GABRB1: variants seen among roughly 807,000 people sequenced by gnomAD.
The protein encoded by GABRB1 is gamma-aminobutyric acid receptor subunit beta-1.
GABRB1 carries 17 observed loss-of-function variants against 51.6 expected under a neutral mutation model. The observed-to-expected ratio is 0.33, with a 90% CI of 0.23 to 0.49. The LOEUF is 0.49. GABRB1 is among the 20% of genes least tolerant of loss of function. The pLI is 0.99. For synonymous variants in GABRB1, 247 were observed against 218.9 expected (o/e 1.13, Z -1.14); for missense variants, 410 against 600.6 (o/e 0.68, Z 3.32).
At chr4:47,135,606 A>G (rs940084274) in intron 3 of GABRB1, among the ~76,000 whole-genome samples, 9 of 152,030 alleles carry the variant, frequency 5.9e-5, no homozygotes, top group East Asian at 1.9e-4. Context: ...TCTTCTATCC[A>G]TCATCACTCC....
At chr4:47,010,064 C>T (rs1387967798) in intron 1 of GABRB1, among the ~76,000 whole-genome samples, 1 of 152,196 alleles carries the variant, frequency 6.6e-6, no homozygotes, top group African/African-American at 2.4e-5. Context: ...CTGCTCACCT[C>T]TGGATAAATT....
At chr4:47,406,981 T>C in intron 8 of GABRB1, 55 bp downstream of exon 8, 1 of 1,533,840 alleles carries the variant, frequency 6.5e-7, no homozygotes, top group Non-Finnish European at 8.9e-7. Context: ...AGCATCATGA[T>C]GCCTCGGGCT....
chr4:47,386,094 A>C (rs1028957687), intron 5 of GABRB1, among the ~76,000 whole-genome samples: 8 of 152,134 alleles, frequency 5.3e-5, no homozygotes, highest in African/African-American at 1.7e-4. Context: ...TTATTAACTC[A>C]ATCTACAGCT....
chr4:47,379,078 A>T (rs1727500258), intron 5 of GABRB1, among the ~76,000 whole-genome samples: 1 of 152,216 alleles, frequency 6.6e-6, no homozygotes, highest in South Asian at 2.1e-4. Context: ...TCAATAGATC[A>T]AAACTATTCT....
chr4:47,381,908 A>C (rs1447962493), intron 5 of GABRB1, among the ~76,000 whole-genome samples: 1 of 152,238 alleles, frequency 6.6e-6, no homozygotes, highest in Non-Finnish European at 1.5e-5. Context: ...AGAATTTGCA[A>C]AAAATTACAA....
chr4:47,333,070 A>T (rs1485183591), intron 5 of GABRB1, among the ~76,000 whole-genome samples: 1 of 147,646 alleles, frequency 6.8e-6, no homozygotes, highest in Non-Finnish European at 1.5e-5. Flanking sequence ...ATCTATTTTT[A>T]AAATTCATAT....
At chr4:47,070,180 C>T (rs1263773597) in intron 3 of GABRB1, among the ~76,000 whole-genome samples, 1 of 151,940 alleles carries the variant, frequency 6.6e-6, no homozygotes, top group Non-Finnish European at 1.5e-5. Context: ...GGACTACAGG[C>T]AAGCACCACC....
intron 3 of GABRB1, among the ~76,000 whole-genome samples, chr4:47,131,317 C>T (rs918126554): frequency 5.3e-5 from 8 of 152,090 alleles, no homozygotes; most frequent in Admixed American, 2.0e-4. Flanking sequence ...TGCCACCATA[C>T]CTGGCTAATT....
intron 8 of GABRB1, among the ~76,000 whole-genome samples, chr4:47,421,460 A>AT (rs1010629085): frequency 2.6e-5 from 4 of 152,032 alleles, no homozygotes; most frequent in Non-Finnish European, 4.4e-5. Context: ...TTTTACAAGC[A>AT]TTTTTTCAGA....
intron 3 of GABRB1, among the ~76,000 whole-genome samples, chr4:47,040,913 G>T (rs1725811230): frequency 1.3e-5 from 2 of 152,098 alleles, no homozygotes; most frequent in Admixed American, 6.6e-5. Context: ...CCTTCCAGAG[G>T]CGTGATCTTT....
chr4:47,017,609 T>G (rs1200671567), intron 1 of GABRB1, among the ~76,000 whole-genome samples: 1 of 151,876 alleles, frequency 6.6e-6, no homozygotes, highest in Non-Finnish European at 1.5e-5. Flanking sequence ...AGTTATGAAA[T>G]CGAATGATTT....
chr4:47,107,232 G>T (rs1715006805), intron 3 of GABRB1, among the ~76,000 whole-genome samples: 1 of 152,038 alleles, frequency 6.6e-6, no homozygotes, highest in African/African-American at 2.4e-5. Flanking sequence ...ATCTCTTCAT[G>T]TAATTGCACT....
intron 4 of GABRB1, among the ~76,000 whole-genome samples, 200 bp from the exon 5 acceptor site, chr4:47,319,927 G>T (rs1725014844): frequency 6.6e-6 from 1 of 152,188 alleles, no homozygotes; most frequent in East Asian, 1.9e-4. Flanking sequence ...TATGTTTTTA[G>T]AAATTTATCC....
rs1491436729 is a variant in GABRB1 at position 47,007,894 on chromosome 4, A to ATATATATATATATATAT, written c.-20+13968_-20+13969insTATATATATATATATAT. Among the ~76,000 whole-genome samples, 65 of 33,420 alleles carry ATATATATATATATATAT rather than the reference A, an allele frequency of 1.9e-3. 1 individual carries two copies. The highest frequency in any genetic ancestry group is 8.0e-3 in the South Asian group (7 of 874). 21.9% of individuals were successfully genotyped at this position (33,420 alleles called of 152,430 possible). The stretch of plus-strand genomic sequence containing the variant: ...TATATATATATATATATATATATAT[A>ATATATATATATATATAT]AAATCAAGTTTGTATTTTTAAATAG... On this transcript the variant is annotated intron_variant, in intron 1 of 3. Transcript: ENST00000513567.
At chr4:47,177,840 T>G (rs1185616567) in intron 4 of GABRB1, among the ~76,000 whole-genome samples, 1 of 150,244 alleles carries the variant, frequency 6.7e-6, no homozygotes, top group Non-Finnish European at 1.5e-5. Context: ...TTTTTCATGT[T>G]TCTGTTTGTT....
At chr4:47,032,939 T>G in intron 3 of GABRB1, 4 of 325,994 alleles carry the variant, frequency 1.2e-5, no homozygotes, top group Non-Finnish European at 2.5e-5. Context: ...ACCAAGGCCC[T>G]GCCACCGAGA....
chr4:47,214,451 T>C (rs1720477909), intron 4 of GABRB1, among the ~76,000 whole-genome samples: 1 of 152,192 alleles, frequency 6.6e-6, no homozygotes, highest in African/African-American at 2.4e-5. Context: ...TGTATCCTAG[T>C]CATGATATAG....
At chr4:47,159,172 A>G (rs1399217387) in intron 3 of GABRB1, among the ~76,000 whole-genome samples, 2 of 151,906 alleles carry the variant, frequency 1.3e-5, no homozygotes. Context: ...AGTCCCAAGT[A>G]CTTGAAAGGC....
chr4:47,300,720 G>A (rs1346504044), intron 4 of GABRB1, among the ~76,000 whole-genome samples: 1 of 151,984 alleles, frequency 6.6e-6, no homozygotes, highest in Non-Finnish European at 1.5e-5. Context: ...CACTTAGTGT[G>A]CTTATAAATC....
Sources: gnomAD v4.1 joint callset for allele counts (sites outside exome capture counted in the v4.1 genomes callset) on GRCh38, gnomAD v4.1.1 for gene constraint, MANE v1.5 for transcripts, NCBI Gene and HGNC (gene_info 2026-07-23, HGNC 2026-07-21) for gene names.